The following GRM7 variants were observed in gnomAD, a reference collection of about 807,000 sequenced individuals.
GRM7 encodes the protein glutamate metabotropic receptor 7, also known as metabotropic glutamate receptor 7.
GRM7 carries 35 observed loss-of-function variants against 84.5 expected under a neutral mutation model. That is an observed-to-expected ratio of 0.41 (90% CI 0.32 to 0.55). The LOEUF (loss-of-function observed/expected upper bound fraction) is 0.55. GRM7 is among the 20% of genes least tolerant of loss of function. The pLI, the probability that GRM7 is intolerant of heterozygous loss-of-function variation, is 0.19. For missense variants in GRM7, 1,003 were observed against 1,194.6 expected (o/e 0.84, Z 2.36); for synonymous variants, 487 against 455.1 (o/e 1.07, Z -0.89).
intron 1 of GRM7, among the ~76,000 whole-genome samples, chr3:6,888,573 T>C (rs1245377465): frequency 4.6e-5 from 7 of 152,142 alleles, no homozygotes; most frequent in Non-Finnish European, 8.8e-5. Flanking sequence ...AGGGCTCTGT[T>C]CTGTTCCATT....
At chr3:7,626,702 A>T (rs111629485) in intron 8 of GRM7, among the ~76,000 whole-genome samples, 5 of 152,290 alleles carry the variant, frequency 3.3e-5, no homozygotes, top group African/African-American at 1.2e-4. Flanking sequence ...GCCATAGTGG[A>T]TTAGAGACCC....
chr3:6,890,121 C>A (rs1695873440), intron 1 of GRM7, among the ~76,000 whole-genome samples: 1 of 152,064 alleles, frequency 6.6e-6, no homozygotes, highest in Non-Finnish European at 1.5e-5. Context: ...ATTCTTCTCT[C>A]TTTTTTCTTT....
intron 2 of GRM7, among the ~76,000 whole-genome samples, chr3:7,297,169 A>G (rs1394432670): frequency 1.3e-5 from 2 of 152,172 alleles, no homozygotes; most frequent in South Asian, 2.1e-4. Context: ...TTTATCTGTA[A>G]CTTACAAATA....
rs77649063 is a variant in GRM7, at chr3:7,565,002, T to C, written c.1516-13420T>C. 7.5e-3 allele frequency among the ~76,000 whole-genome samples: 1,141 copies of C among 152,330 alleles called. 35 individuals carry two copies. The East Asian group carries it at 0.11, about 15-fold the overall frequency. Reference sequence around the variant, plus strand: ...TCTCATAATGTGCTAATTGTGTTCATTTGTCCTCCACCTAGTAACTGAGTG... The same window carrying C: ...TCTCATAATGTGCTAATTGTGTTCACTTGTCCTCCACCTAGTAACTGAGTG... On this transcript the variant is annotated intron_variant, in intron 7 of 9. Coordinates refer to ENST00000357716, the MANE Select transcript of GRM7 (RefSeq NM_000844.4).
At chr3:7,316,754 C>T (rs1455707078) in intron 4 of GRM7, among the ~76,000 whole-genome samples, 1 of 148,270 alleles carries the variant, frequency 6.7e-6, no homozygotes, top group Non-Finnish European at 1.5e-5. Flanking sequence ...ATCTCAGTAT[C>T]TGAAGGTAGG....
intron 4 of GRM7, among the ~76,000 whole-genome samples, chr3:7,312,491 ATAT>A (rs1244493599): frequency 6.6e-6 from 1 of 152,110 alleles, no homozygotes; most frequent in Admixed American, 6.6e-5. Context: ...GGGTCGAGTG[ATAT>A]TATTCCATTT....
intron 1 of GRM7, among the ~76,000 whole-genome samples, chr3:7,139,639 G>T (rs1394067353): frequency 6.6e-6 from 1 of 151,864 alleles, no homozygotes; most frequent in Non-Finnish European, 1.5e-5. Context: ...CTCCAAACAG[G>T]ATTCTAGATC....
chr3:7,733,052 G>A (rs1043581399), intron 9 of GRM7, among the ~76,000 whole-genome samples: 4 of 152,120 alleles, frequency 2.6e-5, no homozygotes, highest in African/African-American at 7.2e-5. Flanking sequence ...ATGACCAGAG[G>A]TCACTTTCAT....
intron 8 of GRM7, among the ~76,000 whole-genome samples, chr3:7,656,179 G>C (rs375809269): frequency 4.6e-5 from 7 of 152,092 alleles, no homozygotes; most frequent in African/African-American, 1.7e-4. Flanking sequence ...ACCTGTGGGT[G>C]AGTGTGTGTG....
chr3:7,552,368 G>A (rs1693518959), intron 7 of GRM7, among the ~76,000 whole-genome samples: 1 of 152,178 alleles, frequency 6.6e-6, no homozygotes, highest in African/African-American at 2.4e-5. Context: ...ACTGTTGGTT[G>A]ATCTACCATT....
intron 1 of GRM7, among the ~76,000 whole-genome samples, chr3:6,986,923 G>A (rs753259242): frequency 1.8e-4 from 28 of 152,194 alleles, no homozygotes; most frequent in Non-Finnish European, 2.9e-4. Flanking sequence ...CAGAAAGCAT[G>A]TAAATGCTAA....
intron 2 of GRM7, among the ~76,000 whole-genome samples, chr3:7,237,466 G>A (rs1391056762): frequency 2.0e-5 from 3 of 152,002 alleles, no homozygotes; most frequent in South Asian, 2.1e-4. Context: ...TCTTGGGCTC[G>A]CTGACTTCAA....
At chr3:7,532,938 A>G (rs1162289600) in intron 7 of GRM7, among the ~76,000 whole-genome samples, 1 of 152,052 alleles carries the variant, frequency 6.6e-6, no homozygotes, top group African/African-American at 2.4e-5. Context: ...TCAATGCAAC[A>G]AGAAGAGCTG....
rs1026189134 is a variant in GRM7, at chr3:7,160,359, G to T, written c.736+13691G>T. On this transcript the variant is annotated intron_variant, in intron 2 of 9. Transcript: ENST00000357716. ...TTTGTAACCACTATAAAAAGTTTATGAACATGTCAGAGGAATGGATGAGTG... is the reference window on the plus strand; with the variant it reads ...TTTGTAACCACTATAAAAAGTTTATTAACATGTCAGAGGAATGGATGAGTG... 2.0e-5 allele frequency among the ~76,000 whole-genome samples: 3 copies of T among 152,134 alleles called. 1 individual carries two copies. Among genetic ancestry groups the T allele is most frequent in the Non-Finnish European group, 4.4e-5 (3 of 68,036 alleles).
In GRM7 at chr3:7,235,559, G is replaced by A. The variant is rs572279569; in HGVS notation, c.737-63125G>A. ...CAGAGTTACTCCAACACCTCCTGAC[G>A]ATTTGATCTAAGCCACCAAGGAAAT... is the stretch of plus-strand genomic sequence containing the variant. On this transcript the variant is annotated intron_variant, in intron 2 of 9. Coordinates refer to ENST00000357716, the MANE Select transcript of GRM7 (RefSeq NM_000844.4). Among the ~76,000 whole-genome samples the A allele has an allele frequency of 5.3e-5, 8 of 152,238 alleles. No homozygotes were observed. The South Asian group carries it at 6.2e-4, about 12-fold the overall frequency.
At chr3:7,450,869 C>G (rs1238892219) in intron 5 of GRM7, among the ~76,000 whole-genome samples, 2 of 152,074 alleles carry the variant, frequency 1.3e-5, no homozygotes, top group African/African-American at 4.8e-5. Context: ...TGGAAAAATA[C>G]AAATTCAAGT....
chr3:7,620,435 A>C (rs1156514602), intron 8 of GRM7, among the ~76,000 whole-genome samples: 1 of 152,118 alleles, frequency 6.6e-6, no homozygotes, highest in Admixed American at 6.6e-5. Context: ...ATATTAAGTG[A>C]ATGTCTTGGT....
At chr3:7,664,314 C>T (rs1699588392) in intron 8 of GRM7, among the ~76,000 whole-genome samples, 1 of 152,072 alleles carries the variant, frequency 6.6e-6, no homozygotes, top group South Asian at 2.1e-4. Context: ...TATCTTTTGT[C>T]CTCTCCATAA....
intron 2 of GRM7, among the ~76,000 whole-genome samples, chr3:7,175,709 T>G (rs1222204598): frequency 6.6e-6 from 1 of 152,086 alleles, no homozygotes; most frequent in East Asian, 1.9e-4. Flanking sequence ...AGCTAATTTT[T>G]GTGTTTTTAG....
Sources: allele counts gnomAD v4.1 joint callset (sites outside exome capture counted in the v4.1 genomes callset), GRCh38; gene constraint gnomAD v4.1.1; transcripts MANE v1.5; gene names NCBI Gene and HGNC (gene_info 2026-07-23, HGNC 2026-07-21).